SLC25A12: variants seen among roughly 807,000 people sequenced by gnomAD.
The protein encoded by SLC25A12 is solute carrier family 25 member 12, also known as electrogenic aspartate/glutamate antiporter SLC25A12, mitochondrial.
A neutral mutation model predicts 83.3 loss-of-function variants in SLC25A12; 32 were observed. The observed-to-expected ratio is 0.38, with a 90% CI of 0.29 to 0.52. The LOEUF is 0.52. SLC25A12 is among the 20% of genes least tolerant of loss of function. The pLI is 0.84. For missense variants in SLC25A12, 611 were observed against 835.6 expected (o/e 0.73, Z 3.31); for synonymous variants, 267 against 291.1 (o/e 0.92, Z 0.84).
intron 3 of SLC25A12, among the ~76,000 whole-genome samples, chr2:171,861,521 C>G (rs1256458105): frequency 9.9e-5 from 15 of 152,184 alleles, no homozygotes. Flanking sequence ...ATCCTCCTGT[C>G]TCAGCCTCCT....
chr2:171,890,785 T>C (rs757232584), intron 2 of SLC25A12, among the ~76,000 whole-genome samples: 14 of 152,130 alleles, frequency 9.2e-5, no homozygotes, highest in Non-Finnish European at 1.8e-4. Flanking sequence ...ACTCAGCCTA[T>C]ATTGTTATCT....
At chr2:171,839,280 C>A (rs981580996) in intron 5 of SLC25A12, among the ~76,000 whole-genome samples, 1 of 152,174 alleles carries the variant, frequency 6.6e-6, no homozygotes, top group Non-Finnish European at 1.5e-5. Context: ...AACACTGGCA[C>A]CTCCAAATAC....
chr2:171,814,354 C>T (rs1684004099), intron 10 of SLC25A12, among the ~76,000 whole-genome samples: 2 of 151,940 alleles, frequency 1.3e-5, no homozygotes, highest in Admixed American at 6.6e-5. Context: ...TGCAAATAAA[C>T]ATCAAGTCCA....
intron 9 of SLC25A12, among the ~76,000 whole-genome samples, chr2:171,819,141 TAAATATA>T (rs1479478752): frequency 7.3e-6 from 1 of 136,668 alleles, no homozygotes; most frequent in Non-Finnish European, 1.5e-5. Context: ...ATATTATATA[TAAATATA>T]AAATATATGA....
intron 13 of SLC25A12, among the ~76,000 whole-genome samples, chr2:171,799,093 G>A (rs1574679499): frequency 2.0e-5 from 3 of 152,198 alleles, no homozygotes; most frequent in African/African-American, 7.2e-5. Flanking sequence ...GCAGCAAGGT[G>A]CCATCTTGGA....
chr2:171,794,674 G>A (rs1683561139), intron 13 of SLC25A12, among the ~76,000 whole-genome samples: 2 of 151,180 alleles, frequency 1.3e-5, no homozygotes, highest in African/African-American at 4.9e-5. Context: ...TGTGACTATG[G>A]ATATATAAAA....
chr2:171,813,308 T>A, intron 11 of SLC25A12, 31 bp downstream of exon 11: 2 of 1,613,018 alleles, frequency 1.2e-6, no homozygotes, highest in Non-Finnish European at 1.7e-6. Context: ...ATCAAATCAC[T>A]AACTTCAGCA....
chr2:171,830,578 A>G (rs1282398543), intron 8 of SLC25A12, among the ~76,000 whole-genome samples: 3 of 152,142 alleles, frequency 2.0e-5, no homozygotes, highest in Non-Finnish European at 2.9e-5. Context: ...CAATGGCACA[A>G]TCTCAGCTCA....
At chr2:171,892,573 T>A (rs1685965877) in intron 2 of SLC25A12, among the ~76,000 whole-genome samples, 2 of 152,158 alleles carry the variant, frequency 1.3e-5, no homozygotes, top group South Asian at 4.1e-4. Flanking sequence ...CTTTTGAAAT[T>A]TAAGAAAAGA....
intron 2 of SLC25A12, among the ~76,000 whole-genome samples, chr2:171,884,299 TC>T (rs1685764975): frequency 6.6e-6 from 1 of 150,808 alleles, no homozygotes. Context: ...CAAGCAATTC[TC>T]CCACCTCAGC....
At chr2:171,866,787 G>A (rs1336265427) in intron 3 of SLC25A12, among the ~76,000 whole-genome samples, 35 of 141,616 alleles carry the variant, frequency 2.5e-4, no homozygotes, top group African/African-American at 7.8e-4. Context: ...CCTCCCTCCC[G>A]GACGGGGCGG....
chr2:171,832,667 T>C (rs1477499189), intron 8 of SLC25A12, among the ~76,000 whole-genome samples: 1 of 152,172 alleles, frequency 6.6e-6, no homozygotes, highest in Non-Finnish European at 1.5e-5. Context: ...GGAATAGCAA[T>C]AGGAGTTAGC....
intron 2 of SLC25A12, among the ~76,000 whole-genome samples, chr2:171,879,400 C>G (rs1223788299): frequency 1.3e-5 from 2 of 152,170 alleles, no homozygotes; most frequent in Non-Finnish European, 2.9e-5. Context: ...TCACTGTCCA[C>G]TATAGTAAGC....
At chr2:171,857,999 G>A (rs1418625152) in intron 3 of SLC25A12, among the ~76,000 whole-genome samples, 1 of 151,990 alleles carries the variant, frequency 6.6e-6, no homozygotes, top group African/African-American at 2.4e-5. Flanking sequence ...TATACTCAAG[G>A]TTATAAAATT....
intron 9 of SLC25A12, among the ~76,000 whole-genome samples, chr2:171,824,950 C>T (rs958900640): frequency 1.3e-5 from 2 of 151,884 alleles, no homozygotes; most frequent in African/African-American, 4.8e-5. Flanking sequence ...ACTACAGGCA[C>T]ACGCCATCAC....
At chr2:171,858,791 A>G (rs1308271778) in intron 3 of SLC25A12, among the ~76,000 whole-genome samples, 1 of 152,196 alleles carries the variant, frequency 6.6e-6, no homozygotes, top group Non-Finnish European at 1.5e-5. Flanking sequence ...AAAAGCAACC[A>G]AACAGGGCTC....
At chr2:171,891,298 CA>C (rs778681604) in intron 2 of SLC25A12, among the ~76,000 whole-genome samples, 356 of 136,920 alleles carry the variant, frequency 2.6e-3, no homozygotes, top group Non-Finnish European at 2.4e-3. Flanking sequence ...GACTCCATCT[CA>C]AAAAAAAAAA....
intron 13 of SLC25A12, among the ~76,000 whole-genome samples, chr2:171,795,364 T>C (rs1683577679): frequency 1.3e-5 from 2 of 152,228 alleles, no homozygotes; most frequent in African/African-American, 2.4e-5. Flanking sequence ...GGAAGCACTT[T>C]AATGTTTCAA....
At chr2:171,842,108 A>G (rs927350727) in intron 5 of SLC25A12, among the ~76,000 whole-genome samples, 9 of 152,228 alleles carry the variant, frequency 5.9e-5, no homozygotes, top group Non-Finnish European at 1.3e-4. Flanking sequence ...CACAATAACC[A>G]TAAGGTGGGA....
Sources: gnomAD v4.1 joint callset for allele counts (sites outside exome capture counted in the v4.1 genomes callset) on GRCh38, gnomAD v4.1.1 for gene constraint, MANE v1.5 for transcripts, NCBI Gene and HGNC (gene_info 2026-07-23, HGNC 2026-07-21) for gene names.